Variants in DMD observed in about 807,000 individuals in gnomAD.
The protein encoded by DMD is mutant dystrophin.
DMD carries 63 observed loss-of-function variants against 330.1 expected under a neutral mutation model. The observed-to-expected ratio is 0.19, with a 90% CI of 0.16 to 0.24. The LOEUF (loss-of-function observed/expected upper bound fraction) is 0.24, where lower values mean the gene tolerates loss of function less well. DMD is among the 10% of genes least tolerant of loss of function. The pLI is 1.00. For missense variants in DMD, 3,344 were observed against 2,684.1 expected, an observed-to-expected ratio of 1.25 and a Z score of -5.43; for synonymous variants, 1,223 against 959.8, an observed-to-expected ratio of 1.27 and a Z score of -5.07.
rs183338882 is a variant in DMD at position 32,638,924 on chromosome X, T to C, written c.1331+5208A>G. On this transcript the variant is annotated intron_variant, in intron 11 of 78. Coordinates refer to ENST00000357033, the MANE Select transcript of DMD (RefSeq NM_004006.3). The stretch of plus-strand genomic sequence containing the variant: ...AAAAAAAGAGATGAGCCATATTTGT[T>C]AGATGTATTTTTCTGTCCAGTCAAA... Among the ~76,000 whole-genome samples, 7 of 111,754 alleles carry C rather than the reference T, an allele frequency of 6.3e-5. No homozygotes were observed. The Admixed American group carries it at 6.7e-4, about 11-fold the overall frequency.
intron 9 of DMD, among the ~76,000 whole-genome samples, chrX:32,653,769 A>T (rs2060347406): frequency 9.0e-6 from 1 of 111,700 alleles, no homozygotes; most frequent in South Asian, 3.8e-4. Context: ...TTTTCACAAT[A>T]TTGATTCTTC....
At chrX:32,691,714 C>T (rs2063294437) in intron 9 of DMD, among the ~76,000 whole-genome samples, 1 of 111,420 alleles carries the variant, frequency 9.0e-6, no homozygotes, top group Non-Finnish European at 1.9e-5. Flanking sequence ...ATGCCATGTT[C>T]ATTGCAACAC....
intron 1 of DMD, among the ~76,000 whole-genome samples, chrX:33,025,077 A>T (rs1226067110): frequency 8.9e-6 from 1 of 112,398 alleles, no homozygotes; most frequent in Non-Finnish European, 1.9e-5. Context: ...AACATTTTGC[A>T]TAAACAAAAA....
chrX:32,669,553 C>T (rs1427614678), intron 9 of DMD, among the ~76,000 whole-genome samples: 1 of 111,562 alleles, frequency 9.0e-6, no homozygotes, highest in East Asian at 2.8e-4. Context: ...ATTTCATGTA[C>T]TTTTTGGGAT....
chrX:32,655,421 G>A (rs773594181), intron 9 of DMD, among the ~76,000 whole-genome samples: 1 of 112,281 alleles, frequency 8.9e-6, no homozygotes, highest in Non-Finnish European at 1.9e-5. Context: ...GCAGCAGGTT[G>A]TTCAGTTTCC....
intron 63 of DMD, among the ~76,000 whole-genome samples, chrX:31,224,914 T>C (rs182021769): frequency 8.9e-6 from 1 of 112,347 alleles, no homozygotes; most frequent in East Asian, 2.8e-4. Flanking sequence ...TTGATTTCAC[T>C]TATATCAACT....
At chrX:32,319,147 A>C (rs1442896687) in intron 41 of DMD, among the ~76,000 whole-genome samples, 3 of 111,768 alleles carry the variant, frequency 2.7e-5, no homozygotes, top group Non-Finnish European at 5.7e-5. Flanking sequence ...TAAATTAGTA[A>C]CTTGATAAAA....
intron 18 of DMD, among the ~76,000 whole-genome samples, chrX:32,511,524 GAAAAA>G (rs67754841): frequency 3.2e-3 from 161 of 49,792 alleles, no homozygotes; most frequent in East Asian, 0.017. Flanking sequence ...TCCGTCTCGG[GAAAAA>G]AAAAAAAAAA....
At chrX:31,298,729 A>T (rs11797901) in intron 62 of DMD, among the ~76,000 whole-genome samples, 1 of 111,161 alleles carries the variant, frequency 9.0e-6, no homozygotes. Flanking sequence ...GGTGAGCAGC[A>T]GGTTGGCAAT....
At chrX:31,859,635 T>G (rs1465750275) in intron 48 of DMD, among the ~76,000 whole-genome samples, 1 of 112,379 alleles carries the variant, frequency 8.9e-6, no homozygotes, top group Non-Finnish European at 1.9e-5. Context: ...TTAATTCATT[T>G]ACATACTTAT....
chrX:32,193,356 C>A (rs764183890), intron 44 of DMD, among the ~76,000 whole-genome samples: 1 of 112,167 alleles, frequency 8.9e-6, no homozygotes, highest in East Asian at 2.8e-4. Context: ...ATATTTTGAA[C>A]ATTAAGAAAA....
At chrX:31,568,472 A>G (rs1390435624) in intron 55 of DMD, among the ~76,000 whole-genome samples, 1 of 111,484 alleles carries the variant, frequency 9.0e-6, no homozygotes, top group African/African-American at 3.2e-5. Context: ...TAGGATTATT[A>G]TGTCTTCCCA....
chrX:31,558,964 A>C (rs1264119330), intron 55 of DMD, among the ~76,000 whole-genome samples: 1 of 111,815 alleles, frequency 8.9e-6, no homozygotes, highest in African/African-American at 3.3e-5. Context: ...AAAATAATTT[A>C]CAGGAGAGAC....
intron 9 of DMD, among the ~76,000 whole-genome samples, chrX:32,678,796 G>A (rs779506110): frequency 3.9e-4 from 44 of 111,749 alleles, no homozygotes; most frequent in Middle Eastern, 4.7e-3. Flanking sequence ...TACGCACGTT[G>A]TCACTCCTGT....
intron 9 of DMD, among the ~76,000 whole-genome samples, chrX:32,655,388 G>A (rs1466251056): frequency 1.8e-5 from 2 of 112,067 alleles, no homozygotes; most frequent in East Asian, 5.6e-4. Flanking sequence ...CCTTCATTTC[G>A]TTATGTACCC....
At chrX:32,973,293 A>T (rs1239385992) in intron 2 of DMD, among the ~76,000 whole-genome samples, 1 of 112,378 alleles carries the variant, frequency 8.9e-6, no homozygotes. Context: ...GTCATAAAAC[A>T]TGCCCTTTAT....
At chrX:33,054,403 A>C (rs2094494830) in intron 1 of DMD, among the ~76,000 whole-genome samples, 1 of 112,127 alleles carries the variant, frequency 8.9e-6, no homozygotes, top group Admixed American at 9.5e-5. Flanking sequence ...TGATCACAAT[A>C]GACTTTGTGC....
chrX:32,976,532 C>G (rs1279493573), intron 2 of DMD, among the ~76,000 whole-genome samples: 1 of 111,695 alleles, frequency 9.0e-6, no homozygotes, highest in African/African-American at 3.3e-5. Context: ...ATGAAACTAT[C>G]CCACAATAAA....
At chrX:33,190,921 TATAATATTA>T (rs2050547189) in intron 1 of DMD, among the ~76,000 whole-genome samples, 1 of 8,570 alleles carries the variant, frequency 1.2e-4, no homozygotes, top group African/African-American at 6.7e-4. Flanking sequence ...ATATTATATA[TATAATATTA>T]TATATATATA....
Sources: allele counts gnomAD v4.1 joint callset (sites outside exome capture counted in the v4.1 genomes callset), GRCh38; gene constraint gnomAD v4.1.1; transcripts MANE v1.5; gene names NCBI Gene and HGNC (gene_info 2026-07-23, HGNC 2026-07-21).